The following PXDN variants were observed in gnomAD, a reference collection of about 807,000 sequenced individuals.
The protein encoded by PXDN is peroxidasin homolog.
A neutral mutation model predicts 140.3 loss-of-function variants in PXDN; 77 were observed. The ratio of observed to expected loss-of-function variants is 0.55; its 90% CI spans 0.46 to 0.66. The LOEUF (loss-of-function observed/expected upper bound fraction) is 0.66, where lower values mean the gene tolerates loss of function less well. Ranked by LOEUF, PXDN falls within the 30% of genes least tolerant of loss-of-function variation. PXDN has a pLI of 0.00. For missense variants in PXDN, 1,838 were observed against 2,039.5 expected (o/e 0.90, Z 1.90); for synonymous variants, 911 against 857.4 (o/e 1.06, Z -1.09).
chr2:1,680,496 C>A, intron 6 of PXDN, 134 bp from the exon 7 acceptor site: 1 of 1,087,672 alleles, frequency 9.2e-7, no homozygotes, highest in Non-Finnish European at 1.3e-6. Flanking sequence ...GGGGATGGGA[C>A]ACGTCTCGTG....
At position 1,663,637 on chromosome 2, in the gene PXDN, T is replaced by C. The variant is rs1359093491; in HGVS notation, c.1535A>G (p.Lys512Arg). Residue 512 changes from lysine (K) to arginine (R), a missense_variant, in exon 12 of 23, where the codon AAG becomes AGG. Transcript: ENST00000252804. The part of the protein sequence containing the change: ...CQAVNIIGSQ[K>R]VVAHLTVQPR... ...CTGCACAGTCAGGTGGGCCACGACCTTCTGGGAGCCGATGATGTTGACAGC... is the reference window on the plus strand; with the variant it reads ...CTGCACAGTCAGGTGGGCCACGACCCTCTGGGAGCCGATGATGTTGACAGC... 1 of 1,614,036 alleles carries C rather than the reference T, an allele frequency of 6.2e-7. No homozygotes were observed. Among genetic ancestry groups the C allele is most frequent in the South Asian group, 1.1e-5 (1 of 91,084 alleles).
intron 19 of PXDN, among the ~76,000 whole-genome samples, chr2:1,640,855 G>A (rs1018200793): frequency 4.6e-5 from 7 of 152,168 alleles, no homozygotes; most frequent in East Asian, 1.9e-4. Context: ...GCCAGGACAC[G>A]GTCCCAGGCA....
rs1259528955 is a variant in PXDN at position 1,665,045 on chromosome 2, C to T, written c.1321G>A (p.Asp441Asn). The T allele has an allele frequency of 1.9e-6, 3 of 1,610,758 alleles. No homozygotes were observed. Among genetic ancestry groups the T allele is most frequent in the Non-Finnish European group, 2.5e-6 (3 of 1,178,356 alleles). The change falls in exon 11 of 23, where the codon GAC (aspartate) becomes AAC (asparagine). Residue 441 changes from aspartate to asparagine, a missense_variant. By Grantham distance (23) the Asp-to-Asn change is conservative (BLOSUM62 1). Transcript: ENST00000252804. ...GTCTGGCCCTCAATAACGACTCTGT[C>T]CTGAGGCGTCACAGTGAACTGAGGA... Reference protein sequence around the residue: ...ALPQFTVTPQDRVVIEGQTVD... With the variant: ...ALPQFTVTPQNRVVIEGQTVD...
chr2:1,713,411 C>G (rs952667608), intron 1 of PXDN, among the ~76,000 whole-genome samples: 3 of 152,220 alleles, frequency 2.0e-5, no homozygotes, highest in African/African-American at 7.2e-5. Context: ...CCCAGGAAAT[C>G]TGCGGCTCAG....
intron 1 of PXDN, among the ~76,000 whole-genome samples, chr2:1,722,353 G>A (rs1685072428): frequency 1.3e-5 from 2 of 152,262 alleles, no homozygotes; most frequent in Admixed American, 1.3e-4. Flanking sequence ...TCAGAGTCCT[G>A]GTGGCTTGGC....
chr2:1,709,870 C>G (rs879293914), intron 1 of PXDN, among the ~76,000 whole-genome samples: 1 of 152,216 alleles, frequency 6.6e-6, no homozygotes, highest in Non-Finnish European at 1.5e-5. Flanking sequence ...GAGGCCCTCA[C>G]CAGAACCCAA....
intron 9 of PXDN, chr2:1,672,184 G>C (rs1275422202): frequency 2.0e-5 from 3 of 152,128 alleles, no homozygotes; most frequent in African/African-American, 7.2e-5. Flanking sequence ...TGTATCTGAG[G>C]GAGCTACACC....
rs764675918 is a variant in PXDN at position 1,648,433 on chromosome 2, G to A, written c.3347C>T (p.Pro1116Leu). ...FRIVNEGGID[P>L]LLRGLFGVAG... ...CACCCCGAACAGCCCCCTGAGAAGC[G>A]GATCGATGCCGCCCTCATTCACAAT... The change falls in exon 17 of 23, where the codon CCG becomes CTG. Residue 1116 changes from proline to leucine, a missense_variant. Physicochemically the swap from Pro to Leu is moderately conservative, Grantham distance 98. Coordinates refer to ENST00000252804, the MANE Select transcript of PXDN (RefSeq NM_012293.3). This position sits in a 1 kb window ranked among gnomAD's most constrained non-coding sequence, Gnocchi z 8.9. 13 of 1,610,910 alleles carry A rather than the reference G, an allele frequency of 8.1e-6. No individual in the cohort carries two copies. The highest frequency in any genetic ancestry group is 1.0e-5 in the Non-Finnish European group (12 of 1,179,866).
At chr2:1,697,621 A>G (rs1572168051) in intron 1 of PXDN, among the ~76,000 whole-genome samples, 2 of 151,620 alleles carry the variant, frequency 1.3e-5, no homozygotes, top group Admixed American at 6.6e-5. Flanking sequence ...ACGGGGGGGG[A>G]AAAACTTCCC....
At chr2:1,700,308 C>T (rs910363154) in intron 1 of PXDN, among the ~76,000 whole-genome samples, 4 of 152,062 alleles carry the variant, frequency 2.6e-5, no homozygotes, top group South Asian at 4.2e-4. Flanking sequence ...GTGATCTACC[C>T]GCCTCAGGCT....
At chr2:1,737,721 T>A (rs1685453540) in intron 1 of PXDN, among the ~76,000 whole-genome samples, 1 of 152,020 alleles carries the variant, frequency 6.6e-6, no homozygotes, top group Non-Finnish European at 1.5e-5. Context: ...GTATTTTTAG[T>A]AGAGATGGGG....
chr2:1,649,800 CG>C lies in PXDN; in HGVS notation c.2105-126del. On this transcript the variant is annotated intron_variant, in intron 16 of 22. Coordinates refer to ENST00000252804, the MANE Select transcript of PXDN (RefSeq NM_012293.3). The surrounding 1 kb of genome is among the most constrained non-coding windows in gnomAD (Gnocchi z 7.1). ...CCCCCAGCTCATGAAACCTGTTGTG[CG>C]CCATGCAACAAGCGCTTCCTGCTGG... The C allele has an allele frequency of 8.9e-7, 1 of 1,118,056 alleles. No individual in the cohort carries two copies. 69.3% of individuals were successfully genotyped at this position (1,118,056 alleles called of 1,614,324 possible). A position where few individuals can be genotyped will look rare whatever the true frequency, so the allele number is the denominator to read the frequency against.
chr2:1,742,178 TGCGCTTCTCTCCCAG>T (rs1685559507), intron 1 of PXDN, among the ~76,000 whole-genome samples: 1 of 152,226 alleles, frequency 6.6e-6, no homozygotes, highest in African/African-American at 2.4e-5. Flanking sequence ...CGTCAGGAGC[TGCGCTTCTCTCCCAG>T]AGCTTCTGTT....
In PXDN at chr2:1,663,623, G is replaced by T; in HGVS notation, c.1549C>A (p.Leu517Met). The T allele has an allele frequency of 6.2e-7, 1 of 1,614,010 alleles. No individual in the cohort carries two copies. The highest frequency in any genetic ancestry group is 8.5e-7 in the Non-Finnish European group (1 of 1,179,914). ...CACCTACCTCTGGGCTGCACAGTCA[G>T]GTGGGCCACGACCTTCTGGGAGCCG... ...IIGSQKVVAH[L>M]TVQPRVTPVF... The change falls in exon 12 of 23, where the codon CTG (leucine) becomes ATG (methionine). Residue 517 changes from leucine to methionine, a missense_variant. By Grantham distance (15) the Leu-to-Met change is conservative. Around this residue, in one of 5 missense-constraint regions of PXDN, gnomAD observed 537 missense variants for 583.9 expected, o/e 0.92. Coordinates refer to ENST00000252804, the MANE Select transcript of PXDN (RefSeq NM_012293.3).
rs769906321 is a variant in PXDN at position 1,687,688 on chromosome 2, A to G, written c.360T>C (p.Asn120=). ...CTTGCCTGTCAATTGACTGGATCTC[A>G]TTCTTGTACAGATAGCTGAAACAAG... ...ENLKYLYLYK[N]EIQSIDRQAF... Residue 120 remains asparagine, a synonymous_variant, in exon 4 of 23, where the codon AAT becomes AAC. Coordinates refer to ENST00000252804, the MANE Select transcript of PXDN (RefSeq NM_012293.3). The surrounding 1 kb of genome is among the most constrained non-coding windows in gnomAD (Gnocchi z 4.0). The G allele has an allele frequency of 1.3e-6, 2 of 1,518,382 alleles. No homozygotes were observed. The highest frequency in any genetic ancestry group is 1.7e-5 in the Admixed American group (1 of 59,092). 94.1% of individuals were successfully genotyped at this position (1,518,382 alleles called of 1,614,324 possible). A position where few individuals can be genotyped will look rare whatever the true frequency, so the allele number is the denominator to read the frequency against.
At position 1,686,820 on chromosome 2, in the gene PXDN, C is replaced by A. The variant is rs911717935; in HGVS notation, c.416+812G>T. On this transcript the variant is annotated intron_variant, in intron 4 of 22. Coordinates refer to ENST00000252804, the MANE Select transcript of PXDN (RefSeq NM_012293.3). ...TTGGCCTCAAACTCTCTGACAACAT[C>A]GCTGTGTCCAGTGAGCCAGTGACCC... 2.6e-5 allele frequency among the ~76,000 whole-genome samples: 4 copies of A among 152,298 alleles called. No individual in the cohort carries two copies. In the South Asian group the frequency reaches 8.3e-4, roughly 32 times the overall value.
intron 1 of PXDN, among the ~76,000 whole-genome samples, chr2:1,719,834 T>TTGTGTG (rs36227356): frequency 0.025 from 2,720 of 108,032 alleles, 111 homozygotes; most frequent in African/African-American, 0.071. Context: ...CATGCGTGCA[T>TTGTGTG]TGTGTGTGTG....
rs1683861587 is a variant in PXDN, at chr2:1,680,255, T to G, written c.668A>C (p.Glu223Ala). 1 of 1,612,938 alleles carries G rather than the reference T, an allele frequency of 6.2e-7. No individual in the cohort carries two copies. Among genetic ancestry groups the G allele is most frequent in the African/African-American group, 1.3e-5 (1 of 74,882 alleles). The part of the protein sequence containing the change: ...SGNAQAAAIC[E>A]YPRRIQGRSV... ...GCGTCCCTGGATGCGTCTGGGATAT[T>G]CACAGATGGCCGCTGCCTGCGCGTT... Residue 223 changes from glutamate to alanine, a missense_variant, in exon 7 of 23, where the codon GAA becomes GCA. Physicochemically the swap from Glu to Ala is moderately radical, Grantham distance 107. Transcript: ENST00000252804.
rs139541687 is a variant in PXDN, at chr2:1,738,747, T to C, written c.200+5509A>G. Among the ~76,000 whole-genome samples the C allele has an allele frequency of 2.8e-3, 431 of 152,242 alleles. 3 individuals are homozygous for C. The highest frequency in any genetic ancestry group is 9.8e-3 in the African/African-American group (406 of 41,552). On this transcript the variant is annotated intron_variant, in intron 1 of 22. Transcript: ENST00000252804. ...TTCTGGTAGAGAAGGGGTTTCGCCA[T>C]GTAGCTCAGGCTGGCCTTCGAACTC...
Sources: gnomAD v4.1 joint callset for allele counts (sites outside exome capture counted in the v4.1 genomes callset) on GRCh38, gnomAD v4.1.1 for gene constraint, gnomAD v4.1.1 regional missense constraint, Gnocchi (gnomAD v3.1) non-coding constraint, MANE v1.5 for transcripts, NCBI Gene and HGNC (gene_info 2026-07-23, HGNC 2026-07-21) for gene names.